OSBPL5: variants seen among roughly 807,000 people sequenced by gnomAD.
OSBPL5 encodes oxysterol binding protein like 5, also known as oxysterol-binding protein-related protein 5.
Under a neutral mutation model 111.2 loss-of-function variants are expected in OSBPL5, and 71 were observed. The observed-to-expected ratio is 0.64, with a 90% CI of 0.53 to 0.78. The LOEUF is 0.78. OSBPL5 is among the 30% of genes least tolerant of loss of function. The pLI is 0.00. For synonymous variants in OSBPL5, 549 were observed against 513.9 expected (o/e 1.07, Z -0.93); for missense variants, 1,210 against 1,189.3 (o/e 1.02, Z -0.26).
chr11:3,096,122 AAGG>A (rs1190993603), intron 14 of OSBPL5, among the ~76,000 whole-genome samples: 1 of 152,234 alleles, frequency 6.6e-6, no homozygotes, highest in Non-Finnish European at 1.5e-5. Context: ...GAGGGACATC[AAGG>A]AGATGTAAAC....
At chr11:3,089,107 C>T (rs1290324793) in intron 21 of OSBPL5, among the ~76,000 whole-genome samples, 1 of 152,232 alleles carries the variant, frequency 6.6e-6, no homozygotes, top group Non-Finnish European at 1.5e-5. Context: ...TGCTTCTCTG[C>T]CCACACAGCC....
Position 3,093,820 on chromosome 11 carries a change from T to C in OSBPL5, c.1735A>G (p.Ser579Gly), listed in dbSNP as rs760060935. The C allele has an allele frequency of 3.7e-6, 6 of 1,612,222 alleles. No individual in the cohort carries two copies. The highest frequency in any genetic ancestry group is 3.4e-6 in the Non-Finnish European group (4 of 1,179,902). ...CCCGAGATCTGGTTGATGCTGGTGC[T>C]ACCCCCGAAGAAGGGCTGCGGGGCC... ...EFKLKPFFGG[S>G]TSINQISGKI... Residue 579 changes from serine (S) to glycine (G), a missense_variant, in exon 16 of 22, where the codon AGC becomes GGC. Transcript: ENST00000263650.
At chr11:3,101,925 C>T (rs79593967) in intron 12 of OSBPL5, among the ~76,000 whole-genome samples, 3,880 of 152,244 alleles carry the variant, frequency 0.025, 138 homozygotes, top group African/African-American at 0.082. Context: ...AAGTCCCCAT[C>T]GGGAGATGGG....
At position 3,162,756 on chromosome 11, in the gene OSBPL5, C is replaced by A. The variant is rs1847003132; in HGVS notation, c.-22+2460G>T. 6.6e-6 allele frequency among the ~76,000 whole-genome samples: 1 copy of A among 152,020 alleles called. No homozygotes were observed. Among genetic ancestry groups the A allele is most frequent in the East Asian group, 1.9e-4 (1 of 5,136 alleles). On this transcript the variant is annotated intron_variant, in intron 1 of 21. Coordinates refer to ENST00000263650, the MANE Select transcript of OSBPL5 (RefSeq NM_020896.4). This position sits in a 1 kb window ranked among gnomAD's most constrained non-coding sequence, Gnocchi z 8.1. ...GGCTGTCAGTTGCCTCCTCAAGCTG[C>A]AGGCTCGGTAAGTCATCAAGCAAAG...
intron 3 of OSBPL5, 51 bp from the exon 4 acceptor site, chr11:3,122,479 G>A (rs980012306): frequency 8.9e-6 from 14 of 1,568,918 alleles, no homozygotes; most frequent in Non-Finnish European, 1.0e-5. Context: ...CCGGCCCAGG[G>A]CTAGGAGCCC....
At chr11:3,112,360 C>A (rs1032012934) in intron 7 of OSBPL5, among the ~76,000 whole-genome samples, 4 of 152,132 alleles carry the variant, frequency 2.6e-5, no homozygotes, top group African/African-American at 9.7e-5. Flanking sequence ...TGCCAGACTC[C>A]CCTTGGGGGA....
intron 1 of OSBPL5, among the ~76,000 whole-genome samples, chr11:3,129,737 C>A (rs901292056): frequency 1.3e-5 from 2 of 152,172 alleles, no homozygotes; most frequent in Non-Finnish European, 2.9e-5. Context: ...AGCTTGGGTG[C>A]CCCAACAGTT....
chr11:3,093,028 G>A lies in OSBPL5; in HGVS notation c.1971C>T (p.Ala657=), dbSNP rs1480586613. 5 of 1,595,796 alleles carry A rather than the reference G, an allele frequency of 3.1e-6. No homozygotes were observed. The highest frequency in any genetic ancestry group is 3.4e-6 in the Non-Finnish European group (4 of 1,172,242). The change falls in exon 18 of 22, where the codon GCC becomes GCT. Residue 657 remains alanine, a synonymous_variant. Coordinates refer to ENST00000263650, the MANE Select transcript of OSBPL5 (RefSeq NM_020896.4). ...SERLWQHVTR[A]ISKGDQHRAT... ...CCCTGTGCTGGTCGCCCTTGCTGAT[G>A]GCCCTGGTGACGTGCTGCCAGAGCC...
chr11:3,153,458 T>C (rs1220375814), intron 1 of OSBPL5, among the ~76,000 whole-genome samples: 1 of 152,118 alleles, frequency 6.6e-6, no homozygotes, highest in Non-Finnish European at 1.5e-5. Context: ...TGCTCTTGTG[T>C]GGGAAAGCCC....
At chr11:3,122,480 C>T (rs774991643) in intron 3 of OSBPL5, 52 bp from the exon 4 acceptor site, 7 of 1,568,214 alleles carry the variant, frequency 4.5e-6, no homozygotes, top group East Asian at 2.3e-5. Flanking sequence ...CGGCCCAGGG[C>T]TAGGAGCCCA....
chr11:3,115,795 T>G (rs1055570109), intron 7 of OSBPL5, among the ~76,000 whole-genome samples: 4 of 152,116 alleles, frequency 2.6e-5, no homozygotes, highest in African/African-American at 9.7e-5. Context: ...GGAAAACAAT[T>G]TAATTGGCTT....
chr11:3,150,964 T>C (rs1371483975), intron 1 of OSBPL5, among the ~76,000 whole-genome samples: 3 of 152,038 alleles, frequency 2.0e-5, no homozygotes, highest in African/African-American at 4.8e-5. Flanking sequence ...GAATTGTGTC[T>C]TCATGAAAGG....
At chr11:3,145,847 G>A (rs895475875) in intron 1 of OSBPL5, among the ~76,000 whole-genome samples, 9 of 152,294 alleles carry the variant, frequency 5.9e-5, no homozygotes, top group Middle Eastern at 3.4e-3. Flanking sequence ...CCCAGCCTGC[G>A]TTCACTTAAC....
In OSBPL5 at chr11:3,126,385, ACGCC is replaced by A. The variant is rs1858626192; in HGVS notation, c.219+84_219+87del. ...AGGCTGGAATGGCAGGCTCAGCTGG[ACGCC>A]CTGCTGTCCTTTTCCCCAGCCGTTT... On this transcript the variant is annotated intron_variant, in intron 3 of 21. Transcript: ENST00000263650. This position sits in a 1 kb window ranked among gnomAD's most constrained non-coding sequence, Gnocchi z 6.5. 6.7e-6 allele frequency: 8 copies of A among 1,200,576 alleles called. No individual in the cohort carries two copies. The East Asian group carries it at 2.2e-4, about 33-fold the overall frequency. The allele number at this position is 1,200,576 out of a possible 1,614,324, so 74.4% of individuals were successfully genotyped here.
At position 3,142,404 on chromosome 11, in the gene OSBPL5, G is replaced by A. The variant is rs554049502; in HGVS notation, c.-21-13235C>T. On this transcript the variant is annotated intron_variant, in intron 1 of 21. Coordinates refer to ENST00000263650, the MANE Select transcript of OSBPL5 (RefSeq NM_020896.4). The surrounding 1 kb of genome is among the most constrained non-coding windows in gnomAD (Gnocchi z 7.1). Reference sequence around the variant, plus strand: ...GGCTGCTGGTCTGTACAACTGGGAAGCCCCTACCTCTCCACCACGACCCCT... The same window carrying A: ...GGCTGCTGGTCTGTACAACTGGGAAACCCCTACCTCTCCACCACGACCCCT... Among the ~76,000 whole-genome samples, 9 of 152,286 alleles carry A rather than the reference G, an allele frequency of 5.9e-5. No individual in the cohort carries two copies. The East Asian group carries it at 1.7e-3, about 29-fold the overall frequency.
At chr11:3,155,056 G>A (rs1398471149) in intron 1 of OSBPL5, among the ~76,000 whole-genome samples, 1 of 152,186 alleles carries the variant, frequency 6.6e-6, no homozygotes, top group African/African-American at 2.4e-5. Context: ...AGGACACAGG[G>A]AGAAAGAAGG....
intron 1 of OSBPL5, among the ~76,000 whole-genome samples, chr11:3,159,201 G>C (rs557504594): frequency 6.6e-6 from 1 of 152,196 alleles, no homozygotes; most frequent in Non-Finnish European, 1.5e-5. Context: ...TTCTGCCCAG[G>C]AGACAGGTAT....
At chr11:3,156,997 G>A (rs1388542796) in intron 1 of OSBPL5, among the ~76,000 whole-genome samples, 1 of 152,376 alleles carries the variant, frequency 6.6e-6, no homozygotes, top group East Asian at 1.9e-4. Flanking sequence ...CCGTCCACAA[G>A]GTCAGACGGG....
chr11:3,144,215 T>G (rs996588352), intron 1 of OSBPL5, among the ~76,000 whole-genome samples: 1 of 151,992 alleles, frequency 6.6e-6, no homozygotes, highest in South Asian at 2.1e-4. Flanking sequence ...GGACAGAACA[T>G]GCCCCCTCCT....
Sources: allele counts gnomAD v4.1 joint callset (sites outside exome capture counted in the v4.1 genomes callset), GRCh38; gene constraint gnomAD v4.1.1; non-coding constraint Gnocchi (gnomAD v3.1); transcripts MANE v1.5; gene names NCBI Gene and HGNC (gene_info 2026-07-23, HGNC 2026-07-21).